The following LDB3 variants were observed in gnomAD, a reference collection of about 807,000 sequenced individuals.
LDB3 encodes LIM domain binding 3.
Under a neutral mutation model 69.0 loss-of-function variants are expected in LDB3, and 49 were observed. The ratio of observed to expected loss-of-function variants is 0.71; its 90% CI spans 0.56 to 0.90. The LOEUF (loss-of-function observed/expected upper bound fraction) is 0.90, where lower values mean the gene tolerates loss of function less well. Ranked by LOEUF, LDB3 falls within the 40% of genes least tolerant of loss-of-function variation. LDB3 has a pLI of 0.00. For missense variants in LDB3, 928 were observed against 974.1 expected (o/e 0.95, Z 0.63); for synonymous variants, 387 against 396.2 (o/e 0.98, Z 0.28).
intron 13 of LDB3, among the ~76,000 whole-genome samples, chr10:86,729,068 G>A (rs1847369400): frequency 6.6e-6 from 1 of 152,158 alleles, no homozygotes; most frequent in East Asian, 1.9e-4. Context: ...CCCAGCTGAT[G>A]TGCTGTTTTC....
In LDB3 at chr10:86,687,163, G is replaced by A. The variant is rs121908333; in HGVS notation, c.690-4733G>A. The A allele has an allele frequency of 6.2e-7, 1 of 1,614,208 alleles. No individual in the cohort carries two copies. Among genetic ancestry groups the A allele is most frequent in the Non-Finnish European group, 8.5e-7 (1 of 1,180,036 alleles). On this transcript the variant is annotated intron_variant, in intron 5 of 13. Transcript: ENST00000361373. ...CGAGGTGAAGGGGCTGGGCGGCAAG[G>A]CCACCATCATCCATGCGCAGTACAA...
intron 5 of LDB3, among the ~76,000 whole-genome samples, chr10:86,690,738 T>A (rs183604386): frequency 6.6e-6 from 1 of 152,230 alleles, no homozygotes; most frequent in South Asian, 2.1e-4. Flanking sequence ...GGACAGGGCA[T>A]CTTTCCAGGC....
intron 4 of LDB3, among the ~76,000 whole-genome samples, chr10:86,680,968 G>A (rs1383140199): frequency 6.6e-6 from 1 of 152,206 alleles, no homozygotes; most frequent in East Asian, 1.9e-4. Flanking sequence ...GGGCCCAAAT[G>A]TGAGCTACCC....
Position 86,718,148 on chromosome 10 carries a change from A to G in LDB3, c.1857+4A>G, listed in dbSNP as rs1453134913. On this transcript the variant is annotated splice_donor_region_variant and intron_variant, in intron 11 of 13. Transcript: ENST00000361373. The stretch of plus-strand genomic sequence containing the variant: ...GTGCAACACCAAAATTATGGGGGTA[A>G]GTGGGAGGCCTCCATTTCCTCTGAC... 1 of 1,613,702 alleles carries G rather than the reference A, an allele frequency of 6.2e-7. No individual in the cohort carries two copies. The highest frequency in any genetic ancestry group is 8.5e-7 in the Non-Finnish European group (1 of 1,179,650).
At chr10:86,706,820 G>C in intron 8 of LDB3, 101 bp downstream of exon 8, 2 of 1,299,866 alleles carry the variant, frequency 1.5e-6, no homozygotes, top group Non-Finnish European at 2.1e-6. Context: ...GGTAGTTAGG[G>C]CCCGCAGGCC....
intron 2 of LDB3, among the ~76,000 whole-genome samples, chr10:86,671,362 C>G (rs887835201): frequency 1.6e-4 from 24 of 152,164 alleles, no homozygotes; most frequent in African/African-American, 5.8e-4. Context: ...GGACACAGGC[C>G]ACCTGCAGGC....
At chr10:86,667,855 G>A (rs1277923124), upstream of LDB3, among the ~76,000 whole-genome samples, 1 of 152,242 alleles carries the variant, frequency 6.6e-6, no homozygotes, top group Non-Finnish European at 1.5e-5. Context: ...GCTACTGGGA[G>A]CCCATTATCT....
rs540564908 is a variant in LDB3, at chr10:86,699,535, C to G, written c.896+6964C>G. The G allele has an allele frequency of 6.7e-7, 1 of 1,490,540 alleles. No homozygotes were observed. Among genetic ancestry groups the G allele is most frequent in the African/African-American group, 1.4e-5 (1 of 72,204 alleles). 92.3% of individuals were successfully genotyped at this position (1,490,540 alleles called of 1,614,324 possible). A position where few individuals can be genotyped will look rare whatever the true frequency, so the allele number is the denominator to read the frequency against. ...GCAGCATTTCTGTCCTCTGCCCACC[C>G]CAGAGCTGATGCTGGGGCCCAGCCC... On this transcript the variant is annotated intron_variant, in intron 7 of 13. Coordinates refer to ENST00000361373, the MANE Select transcript of LDB3 (RefSeq NM_007078.3). The surrounding 1 kb of genome is among the most constrained non-coding windows in gnomAD (Gnocchi z 4.9).
chr10:86,718,900 G>T lies in LDB3; in HGVS notation c.1978+53G>T. On this transcript the variant is annotated intron_variant, in intron 12 of 13. Transcript: ENST00000361373. ...AGGCCCCACAGCCTGGGAGAAAGGG[G>T]CAGGCACAGGGAACTAACTCCTGCC... 7 of 1,610,778 alleles carry T rather than the reference G, an allele frequency of 4.3e-6. No homozygotes were observed. The East Asian group carries it at 6.7e-5, about 15-fold the overall frequency.
intron 7 of LDB3, among the ~76,000 whole-genome samples, chr10:86,701,471 G>A (rs1465723877): frequency 6.6e-6 from 1 of 152,210 alleles, no homozygotes; most frequent in East Asian, 1.9e-4. Context: ...CCCAGGCTGG[G>A]TTCCATGTAA....
At chr10:86,688,922 C>T (rs970014527) in intron 5 of LDB3, among the ~76,000 whole-genome samples, 1 of 152,174 alleles carries the variant, frequency 6.6e-6, no homozygotes, top group Non-Finnish European at 1.5e-5. Context: ...AAGGACGTTT[C>T]CCATCTCCCT....
At chr10:86,695,505 A>G (rs987623433) in intron 7 of LDB3, among the ~76,000 whole-genome samples, 13 of 152,230 alleles carry the variant, frequency 8.5e-5, no homozygotes, top group Non-Finnish European at 2.9e-5. Context: ...TGAACAGGCC[A>G]GGCATCAGCT....
chr10:86,683,337 A>T (rs1292809797), intron 5 of LDB3, among the ~76,000 whole-genome samples: 3 of 152,214 alleles, frequency 2.0e-5, no homozygotes, highest in African/African-American at 7.2e-5. Context: ...GGTGGGCATG[A>T]TTTTCCCCAT....
chr10:86,717,780 G>GT (rs1589676381), intron 10 of LDB3, among the ~76,000 whole-genome samples, 184 bp from the exon 11 acceptor site: 1 of 152,282 alleles, frequency 6.6e-6, no homozygotes, highest in East Asian at 1.9e-4. Flanking sequence ...TTTCTTTATT[G>GT]TAAGTGATGC....
At chr10:86,691,011 T>C (rs906659020) in intron 5 of LDB3, among the ~76,000 whole-genome samples, 2 of 152,182 alleles carry the variant, frequency 1.3e-5, no homozygotes, top group African/African-American at 4.8e-5. Context: ...GAAGGTGGGC[T>C]GGGCGGCTTG....
At chr10:86,730,289 G>T (rs948111289) in intron 13 of LDB3, among the ~76,000 whole-genome samples, 2 of 152,138 alleles carry the variant, frequency 1.3e-5, no homozygotes, top group African/African-American at 2.4e-5. Context: ...TGTATGTGGG[G>T]ACTCCACGTG....
intron 5 of LDB3, among the ~76,000 whole-genome samples, chr10:86,684,980 T>A (rs1845381139): frequency 2.0e-5 from 3 of 152,274 alleles, no homozygotes; most frequent in Middle Eastern, 6.8e-3. Context: ...GCTGTTGAGC[T>A]CACACTTCTC....
chr10:86,728,586 G>GTTTTTTTTTTTGTT (rs11271876), intron 13 of LDB3, among the ~76,000 whole-genome samples: 2,498 of 131,338 alleles, frequency 0.019, 101 homozygotes, highest in African/African-American at 0.052. Context: ...TGGTTCTTTT[G>GTTTTTTTTTTTGTT]TTTTTTTTTT....
At chr10:86,721,244 T>C (rs1847075398) in intron 12 of LDB3, among the ~76,000 whole-genome samples, 1 of 152,262 alleles carries the variant, frequency 6.6e-6, no homozygotes, top group South Asian at 2.1e-4. Flanking sequence ...TGTTATTTTC[T>C]GTTTTTTAAA....
Sources: allele counts gnomAD v4.1 joint callset (sites outside exome capture counted in the v4.1 genomes callset), GRCh38; gene constraint gnomAD v4.1.1; non-coding constraint Gnocchi (gnomAD v3.1); transcripts MANE v1.5; gene names NCBI Gene and HGNC (gene_info 2026-07-23, HGNC 2026-07-21).